PTPN1: variants seen among roughly 807,000 people sequenced by gnomAD.
PTPN1 encodes protein tyrosine phosphatase non-receptor type 1.
In PTPN1, 12 loss-of-function variants were observed where a neutral mutation model predicts 59.9. The observed-to-expected ratio is 0.20, with a 90% CI of 0.13 to 0.32. The LOEUF (loss-of-function observed/expected upper bound fraction) is 0.32. Among genes scored for constraint, PTPN1 ranks in the 10% least tolerant of loss-of-function variants. The pLI, the probability that PTPN1 is intolerant of heterozygous loss-of-function variation, is 1.00. For synonymous variants in PTPN1, 178 were observed against 203.6 expected (o/e 0.87, Z 1.07); for missense variants, 356 against 549.2 (o/e 0.65, Z 3.52).
intron 1 of PTPN1, among the ~76,000 whole-genome samples, chr20:50,535,976 A>G (rs994929331): frequency 6.6e-6 from 1 of 152,224 alleles, no homozygotes; most frequent in Non-Finnish European, 1.5e-5. Flanking sequence ...AGTTGAAAAG[A>G]GAAAAGAGGT....
intron 1 of PTPN1, among the ~76,000 whole-genome samples, chr20:50,546,869 A>G (rs1230439483): frequency 2.0e-5 from 3 of 152,208 alleles, no homozygotes; most frequent in East Asian, 3.8e-4. Context: ...TGCCAACTAC[A>G]TGTGTCCTTA....
chr20:50,541,479 C>T (rs1299931827), intron 1 of PTPN1, among the ~76,000 whole-genome samples: 1 of 152,186 alleles, frequency 6.6e-6, no homozygotes, highest in Non-Finnish European at 1.5e-5. Context: ...GCTCTTCTGT[C>T]ATCTCTTCTG....
intron 1 of PTPN1, among the ~76,000 whole-genome samples, chr20:50,539,264 G>A (rs559234092): frequency 1.3e-5 from 2 of 151,994 alleles, no homozygotes; most frequent in East Asian, 3.9e-4. Flanking sequence ...TCAAACTCCC[G>A]ACCTCAGGTG....
intron 2 of PTPN1, among the ~76,000 whole-genome samples, chr20:50,562,490 G>A (rs554556518): frequency 6.6e-6 from 1 of 152,362 alleles, no homozygotes; most frequent in South Asian, 2.1e-4. Context: ...TAAGAACTGA[G>A]TGGCTTCGGG....
chr20:50,516,279 CA>C (rs1444262552), intron 1 of PTPN1, among the ~76,000 whole-genome samples: 1 of 151,804 alleles, frequency 6.6e-6, no homozygotes, highest in African/African-American at 2.4e-5. Flanking sequence ...TTGATCAGAC[CA>C]CCCTTAGGGG....
intron 1 of PTPN1, among the ~76,000 whole-genome samples, chr20:50,521,383 A>G (rs2082550095): frequency 6.6e-6 from 1 of 152,242 alleles, no homozygotes; most frequent in Admixed American, 6.5e-5. Flanking sequence ...AGTCCTTTAC[A>G]TGCAATGCTG....
chr20:50,569,273 G>A (rs935611286), intron 4 of PTPN1, among the ~76,000 whole-genome samples: 1 of 152,186 alleles, frequency 6.6e-6, no homozygotes, highest in Non-Finnish European at 1.5e-5. Context: ...CTAGGCCCCT[G>A]GACACAGACC....
intron 1 of PTPN1, among the ~76,000 whole-genome samples, chr20:50,559,861 T>G (rs2082743828): frequency 7.9e-6 from 1 of 126,640 alleles, no homozygotes; most frequent in South Asian, 2.3e-4. Context: ...CCCCCAAGGG[T>G]TTTTTTTTTT....
intron 5 of PTPN1, 31 bp from the exon 6 acceptor site, chr20:50,578,389 T>C (rs771052425): frequency 6.5e-7 from 1 of 1,533,534 alleles, no homozygotes; most frequent in South Asian, 1.1e-5. Context: ...ATGATTCTTT[T>C]AGAATCATCA....
At chr20:50,564,310 A>T (rs575852042) in intron 2 of PTPN1, among the ~76,000 whole-genome samples, 108 of 152,280 alleles carry the variant, frequency 7.1e-4, no homozygotes, top group Non-Finnish European at 1.3e-3. Flanking sequence ...AGTTTATGTC[A>T]GCCAGGCATG....
At chr20:50,567,160 G>T (rs757113797) in intron 3 of PTPN1, among the ~76,000 whole-genome samples, 12 of 152,340 alleles carry the variant, frequency 7.9e-5, no homozygotes, top group Non-Finnish European at 1.6e-4. Context: ...GGGGACGGTG[G>T]CTTACGCCTG....
chr20:50,535,508 T>C (rs1354733574), intron 1 of PTPN1, among the ~76,000 whole-genome samples: 1 of 152,190 alleles, frequency 6.6e-6, no homozygotes, highest in African/African-American at 2.4e-5. Flanking sequence ...TTTTCTCTGT[T>C]GCCTCCGTGA....
chr20:50,574,008 T>C (rs555043025), intron 4 of PTPN1: 1 of 152,564 alleles, frequency 6.6e-6, no homozygotes, highest in African/African-American at 2.4e-5. Flanking sequence ...CTCCAAGCCT[T>C]CTCTGAAAGG....
chr20:50,552,219 T>G (rs895855209), intron 1 of PTPN1, among the ~76,000 whole-genome samples: 15 of 152,168 alleles, frequency 9.9e-5, no homozygotes, highest in Non-Finnish European at 1.5e-5. Flanking sequence ...CTATCACCCC[T>G]CAATTTTAAG....
intron 8 of PTPN1, among the ~76,000 whole-genome samples, 162 bp from the exon 9 acceptor site, chr20:50,581,103 C>T (rs1412977860): frequency 6.6e-6 from 1 of 152,100 alleles, no homozygotes; most frequent in African/African-American, 2.4e-5. Context: ...CTGGCCTGGC[C>T]CTCCCTCCAA....
intron 8 of PTPN1, 102 bp from the exon 9 acceptor site, chr20:50,581,163 C>T (rs950625667): frequency 4.1e-6 from 6 of 1,479,516 alleles, no homozygotes; most frequent in Admixed American, 4.7e-5. Context: ...ACTCTGTCTA[C>T]ACGTGGCTTG....
At chr20:50,543,641 A>C (rs2122753991) in intron 1 of PTPN1, among the ~76,000 whole-genome samples, 1 of 152,358 alleles carries the variant, frequency 6.6e-6, no homozygotes, top group Middle Eastern at 3.4e-3. Context: ...ACCTATTCTC[A>C]GCATAGTATG....
intron 1 of PTPN1, among the ~76,000 whole-genome samples, chr20:50,559,557 C>T (rs1020440261): frequency 6.6e-6 from 1 of 152,126 alleles, no homozygotes; most frequent in Non-Finnish European, 1.5e-5. Flanking sequence ...ATGAAGAGTA[C>T]TGGATGGGTC....
chr20:50,529,644 A>T (rs6126034), intron 1 of PTPN1, among the ~76,000 whole-genome samples: 16,991 of 152,060 alleles, frequency 0.11, 1,038 homozygotes, highest in South Asian at 0.19. Flanking sequence ...AGCCCTGAAG[A>T]TTATTCTGTT....
Sources: allele counts gnomAD v4.1 joint callset (sites outside exome capture counted in the v4.1 genomes callset), GRCh38; gene constraint gnomAD v4.1.1; transcripts MANE v1.5; gene names NCBI Gene and HGNC (gene_info 2026-07-23, HGNC 2026-07-21).